The following FLACC1 variants were observed in gnomAD, a reference collection of about 807,000 sequenced individuals.
FLACC1 encodes flagellum associated containing coiled-coil domains 1.
FLACC1 carries 66 observed loss-of-function variants against 62.8 expected under a neutral mutation model. The ratio of observed to expected loss-of-function variants is 1.05; its 90% CI spans 0.86 to 1.29. The LOEUF is 1.29. FLACC1 is among the 50% of genes most tolerant of loss of function. The pLI, the probability that FLACC1 is intolerant of heterozygous loss-of-function variation, is 0.00. For missense variants in FLACC1, 452 were observed against 489.1 expected, an observed-to-expected ratio of 0.92 and a Z score of 0.71; for synonymous variants, 156 against 161.0, an observed-to-expected ratio of 0.97 and a Z score of 0.24.
intron 9 of FLACC1, among the ~76,000 whole-genome samples, chr2:201,322,417 AC>A (rs1950422914): frequency 1.3e-5 from 2 of 152,154 alleles, no homozygotes; most frequent in African/African-American, 4.8e-5. Flanking sequence ...TGCTACTACA[AC>A]CAGCATCTAA....
At chr2:201,330,595 C>A in intron 8 of FLACC1, 73 bp from the exon 9 acceptor site, 1 of 1,551,106 alleles carries the variant, frequency 6.4e-7, no homozygotes, top group East Asian at 2.2e-5. Context: ...AATGTGAGTT[C>A]TTCTGCACAC....
At chr2:201,343,514 A>C (rs1950852060) in intron 6 of FLACC1, among the ~76,000 whole-genome samples, 1 of 152,304 alleles carries the variant, frequency 6.6e-6, no homozygotes, top group African/African-American at 2.4e-5. Context: ...CATCTGGGGC[A>C]TATCAGAGGG....
chr2:201,320,619 A>G (rs1950385816), intron 9 of FLACC1, among the ~76,000 whole-genome samples: 1 of 152,140 alleles, frequency 6.6e-6, no homozygotes, highest in African/African-American at 2.4e-5. Context: ...GCCTTTTGGA[A>G]CATCAACCCA....
chr2:201,322,622 G>A (rs764471466), intron 9 of FLACC1, among the ~76,000 whole-genome samples: 4 of 152,040 alleles, frequency 2.6e-5, no homozygotes, highest in Non-Finnish European at 5.9e-5. Flanking sequence ...ATAATTAGAA[G>A]AAATAATCTA....
intron 9 of FLACC1, among the ~76,000 whole-genome samples, chr2:201,316,859 A>T (rs1421412503): frequency 1.3e-5 from 2 of 152,200 alleles, no homozygotes; most frequent in Non-Finnish European, 2.9e-5. Context: ...ATCCACCATA[A>T]TCAAGTGGGT....
chr2:201,297,645 G>A (rs898871364), intron 12 of FLACC1, among the ~76,000 whole-genome samples: 1 of 152,224 alleles, frequency 6.6e-6, no homozygotes, highest in Non-Finnish European at 1.5e-5. Flanking sequence ...AACAAGAACA[G>A]TTTCCATGGC....
chr2:201,304,380 T>C (rs1950056258), intron 11 of FLACC1, among the ~76,000 whole-genome samples: 1 of 152,100 alleles, frequency 6.6e-6, no homozygotes. Flanking sequence ...ACAAGGGATG[T>C]GAAGGACCTC....
intron 9 of FLACC1, among the ~76,000 whole-genome samples, chr2:201,316,381 A>G (rs1432006330): frequency 6.6e-6 from 1 of 152,182 alleles, no homozygotes; most frequent in African/African-American, 2.4e-5. Context: ...GAGATATTAC[A>G]ACTGACACCA....
chr2:201,311,289 A>G (rs1176516933), intron 9 of FLACC1, among the ~76,000 whole-genome samples: 2 of 152,170 alleles, frequency 1.3e-5, no homozygotes, highest in Non-Finnish European at 2.9e-5. Context: ...TCCCTAACTT[A>G]TTCTATGAAG....
chr2:201,355,897 T>C (rs892556279), intron 1 of FLACC1, among the ~76,000 whole-genome samples: 1 of 151,932 alleles, frequency 6.6e-6, no homozygotes, highest in African/African-American at 2.4e-5. Flanking sequence ...AATAAAGGCC[T>C]TTTTCTTTGA....
intron 9 of FLACC1, among the ~76,000 whole-genome samples, chr2:201,312,921 T>C (rs1950243399): frequency 6.6e-6 from 1 of 152,220 alleles, no homozygotes; most frequent in African/African-American, 2.4e-5. Flanking sequence ...AGGGGGATTG[T>C]CCACCTTCAA....
At chr2:201,356,321 T>C (rs554217909) in intron 1 of FLACC1, among the ~76,000 whole-genome samples, 2 of 152,268 alleles carry the variant, frequency 1.3e-5, no homozygotes, top group South Asian at 4.1e-4. Context: ...CCACCATGCC[T>C]GGCTAATTTT....
intron 12 of FLACC1, among the ~76,000 whole-genome samples, chr2:201,295,243 G>A (rs1337614298): frequency 2.0e-5 from 3 of 152,130 alleles, no homozygotes. Context: ...GAGGCATCTC[G>A]CTACCTGACT....
chr2:201,350,864 C>T lies in FLACC1; in HGVS notation c.114-82G>A, dbSNP rs539948882. ...TTAACACTCCCAGATTAAGTACATC[C>T]CTATAGTGACCCAAAATTGGAATGC... On this transcript the variant is annotated intron_variant, in intron 2 of 14. Coordinates refer to ENST00000392257, the MANE Select transcript of FLACC1 (RefSeq NM_001127391.3). 1.1e-4 allele frequency: 123 copies of T among 1,155,576 alleles called. No individual in the cohort carries two copies. The African/African-American group carries it at 1.8e-3, about 17-fold the overall frequency. 71.6% of individuals were successfully genotyped at this position (1,155,576 alleles called of 1,614,324 possible). A position where few individuals can be genotyped will look rare whatever the true frequency, so the allele number is the denominator to read the frequency against.
intron 7 of FLACC1, among the ~76,000 whole-genome samples, chr2:201,335,350 T>C (rs1950672436): frequency 6.6e-6 from 1 of 152,172 alleles, no homozygotes; most frequent in African/African-American, 2.4e-5. Flanking sequence ...TCTTTCCTAG[T>C]TTTGTGAGGT....
At chr2:201,320,709 C>T (rs7569952) in intron 9 of FLACC1, among the ~76,000 whole-genome samples, 50,923 of 152,062 alleles carry the variant, frequency 0.33, 10,097 homozygotes, top group East Asian at 0.48. Context: ...AGAGCGCAAG[C>T]CCACCTGAAC....
chr2:201,293,893 C>A (rs546765396), intron 12 of FLACC1, among the ~76,000 whole-genome samples: 4 of 152,108 alleles, frequency 2.6e-5, no homozygotes, highest in South Asian at 2.1e-4. Flanking sequence ...ACTATAAACA[C>A]CTCTATGCAA....
chr2:201,327,578 A>G (rs991489836), intron 9 of FLACC1, among the ~76,000 whole-genome samples: 2 of 152,228 alleles, frequency 1.3e-5, no homozygotes, highest in Non-Finnish European at 2.9e-5. Flanking sequence ...ATCACTAATC[A>G]TCAGGGAAAT....
intron 12 of FLACC1, among the ~76,000 whole-genome samples, chr2:201,292,302 AG>A (rs1949754605): frequency 2.0e-5 from 3 of 152,366 alleles, no homozygotes; most frequent in Admixed American, 2.0e-4. Context: ...CACAAAGGGA[AG>A]CCCATCAGAC....
Sources: allele counts gnomAD v4.1 joint callset (sites outside exome capture counted in the v4.1 genomes callset), GRCh38; gene constraint gnomAD v4.1.1; transcripts MANE v1.5; gene names NCBI Gene and HGNC (gene_info 2026-07-23, HGNC 2026-07-21).